The following POLR2F variants were observed in gnomAD, a reference collection of about 807,000 sequenced individuals.
The protein encoded by POLR2F is RNA polymerase II, I and III subunit F.
A neutral mutation model predicts 22.7 loss-of-function variants in POLR2F; 12 were observed. That is an observed-to-expected ratio of 0.53 (90% CI 0.34 to 0.86). The LOEUF (loss-of-function observed/expected upper bound fraction) is 0.86. POLR2F is among the 40% of genes least tolerant of loss of function. The pLI, the probability that POLR2F is intolerant of heterozygous loss-of-function variation, is 0.02. For synonymous variants in POLR2F, 57 were observed against 66.0 expected (o/e 0.86, Z 0.66); for missense variants, 126 against 171.5 (o/e 0.73, Z 1.48).
rs1400121069 is a variant in POLR2F at position 37,986,766 on chromosome 22, C to G, written c.120+454C>G. 2.1e-6 allele frequency: 1 copy of G among 468,606 alleles called. No homozygotes were observed. The highest frequency in any genetic ancestry group is 2.0e-5 in the African/African-American group (1 of 50,550). 29.0% of individuals were successfully genotyped at this position (468,606 alleles called of 1,614,324 possible). A position where few individuals can be genotyped will look rare whatever the true frequency, so the allele number is the denominator to read the frequency against. On this transcript the variant is annotated intron_variant, in intron 1 of 2. Coordinates refer to the POLR2F transcript ENST00000333418. The surrounding 1 kb of genome is among the most constrained non-coding windows in gnomAD (Gnocchi z 4.7). ...GTGTGTGTGGTTGGGGCCCCTGCTG[C>G]GAACACATCCCTGCCCACCATGCTG...
downstream of POLR2F, among the ~76,000 whole-genome samples, chr22:38,028,501 T>C (rs534444929): frequency 7.2e-5 from 11 of 152,072 alleles, no homozygotes; most frequent in African/African-American, 2.7e-4. Flanking sequence ...TGTGTGTGTG[T>C]GCGTGTGCGT....
chr22:38,019,719 G>C (rs1203532984), intron 1 of POLR2F, among the ~76,000 whole-genome samples: 1 of 152,238 alleles, frequency 6.6e-6, no homozygotes, highest in African/African-American at 2.4e-5. Context: ...GGCCTCTTAA[G>C]AAGTCTAGTG....
At chr22:37,999,665 C>T (rs1050204051) in intron 1 of POLR2F, among the ~76,000 whole-genome samples, 8 of 152,054 alleles carry the variant, frequency 5.3e-5, no homozygotes, top group African/African-American at 1.9e-4. Context: ...CAGTGGGGTG[C>T]GGAGGATGAG....
chr22:38,031,965 T>C lies in POLR2F; in HGVS notation c.453-9103T>C, dbSNP rs1157324676. ...CTCTGTCTTGGCCTCTGTTTTGGTC[T>C]GAAGTCTGGAGATTTTGTCCAGTTT... is the stretch of plus-strand genomic sequence containing the variant. On this transcript the variant is annotated intron_variant, in intron 5 of 5. Coordinates refer to the POLR2F transcript ENST00000407936. The surrounding 1 kb of genome is among the most constrained non-coding windows in gnomAD (Gnocchi z 4.1). Among the ~76,000 whole-genome samples, 1 of 152,182 alleles carries C rather than the reference T, an allele frequency of 6.6e-6. No individual in the cohort carries two copies. The highest frequency in any genetic ancestry group is 1.9e-4 in the East Asian group (1 of 5,196).
At chr22:38,005,295 GT>G (rs1385306663) in intron 1 of POLR2F, among the ~76,000 whole-genome samples, 1 of 152,174 alleles carries the variant, frequency 6.6e-6, no homozygotes. Context: ...GCCAATTTTT[GT>G]TTTGTTTTAG....
chr22:38,001,277 G>A (rs995194907), intron 1 of POLR2F, among the ~76,000 whole-genome samples: 1 of 152,172 alleles, frequency 6.6e-6, no homozygotes, highest in African/African-American at 2.4e-5. Context: ...GCAGGCTCTC[G>A]ACCGTGCCTG....
At chr22:37,988,586 G>A (rs1932652138) in intron 1 of POLR2F, among the ~76,000 whole-genome samples, 1 of 152,110 alleles carries the variant, frequency 6.6e-6, no homozygotes, top group South Asian at 2.1e-4. Flanking sequence ...AAGAGGCAGA[G>A]GTTGCAGTGA....
At position 37,956,103 on chromosome 22, in the gene POLR2F, T is replaced by G. The variant is rs1023191383; in HGVS notation, c.21-670T>G. On this transcript the variant is annotated intron_variant, in intron 1 of 4. Transcript: ENST00000442738. ...TTTGTTTTGCGGTGGCGGGGGGGGG[T>G]TTTGAGACGGAGTTTCACTCTTGTT... Among the ~76,000 whole-genome samples, 815 of 147,198 alleles carry G rather than the reference T, an allele frequency of 5.5e-3. 10 individuals carry two copies. The highest frequency in any genetic ancestry group is 0.02 in the African/African-American group (758 of 38,550).
At chr22:37,985,137 G>C (rs1168906359), upstream of POLR2F, 1 of 152,214 alleles carries the variant, frequency 6.6e-6, no homozygotes, top group African/African-American at 2.4e-5. Flanking sequence ...TTGACCCCTG[G>C]TCCCTTCTCT....
downstream of POLR2F, chr22:37,973,025 A>C: frequency 6.3e-6 from 1 of 157,788 alleles, no homozygotes; most frequent in Non-Finnish European, 1.4e-5. Context: ...AGCTCCGGGC[A>C]CAGTCTCTGG....
chr22:37,976,020 C>G (rs188287422), intron 4 of POLR2F, among the ~76,000 whole-genome samples: 1 of 152,082 alleles, frequency 6.6e-6, no homozygotes, highest in Non-Finnish European at 1.5e-5. Context: ...GTCAGGAATT[C>G]GAGACCAGCC....
At chr22:38,022,983 C>G (rs1350065450) in intron 1 of POLR2F, among the ~76,000 whole-genome samples, 1 of 152,212 alleles carries the variant, frequency 6.6e-6, no homozygotes, top group Non-Finnish European at 1.5e-5. Context: ...TGCACTCCAG[C>G]CTGGGCGACA....
chr22:38,041,232 T>C, downstream of POLR2F: 1 of 1,368,032 alleles, frequency 7.3e-7, no homozygotes, highest in Non-Finnish European at 1.0e-6. Flanking sequence ...TCTAGACTGA[T>C]GGACCAGATG....
chr22:37,967,390 A>G (rs1045775295), intron 4 of POLR2F: 7 of 1,436,224 alleles, frequency 4.9e-6, no homozygotes, highest in Non-Finnish European at 5.4e-6. Context: ...GGCTGTTGGA[A>G]TTTCCCTGTT....
upstream of POLR2F, chr22:37,983,389 A>G (rs773304320): frequency 7.5e-6 from 12 of 1,609,968 alleles, no homozygotes; most frequent in South Asian, 1.3e-4. The surrounding 1 kb of genome is among the most constrained non-coding windows in gnomAD (Gnocchi z 9.5). Flanking sequence ...TGCTGAGCTC[A>G]GCGTTGTGCA....
chr22:38,018,463 C>G (rs1460501909), intron 1 of POLR2F, among the ~76,000 whole-genome samples: 1 of 152,068 alleles, frequency 6.6e-6, no homozygotes, highest in Non-Finnish European at 1.5e-5. Flanking sequence ...GATTTAGAAT[C>G]GAGCTGAAGG....
At chr22:38,025,984 C>T (rs758030946) in exon 2 of POLR2F, 2 of 582,058 alleles carry the variant, frequency 3.4e-6, no homozygotes, top group Admixed American at 1.9e-5. Context: ...GAATGTGCTC[C>T]TCAGAGGGCC....
At chr22:37,974,215 CAGAG>C (rs749386806), downstream of POLR2F, 130 of 1,582,548 alleles carry the variant, frequency 8.2e-5, no homozygotes, top group East Asian at 1.1e-3. The surrounding 1 kb of genome is among the most constrained non-coding windows in gnomAD (Gnocchi z 5.4). Flanking sequence ...AGAAGGGAGA[CAGAG>C]AGAGAGAGCG....
chr22:38,012,672 C>G (rs2084881609), intron 1 of POLR2F, among the ~76,000 whole-genome samples: 1 of 152,198 alleles, frequency 6.6e-6, no homozygotes, highest in Admixed American at 6.5e-5. Flanking sequence ...CAGGTCTCCC[C>G]CTAACTGTTG....
Sources: gnomAD v4.1 joint callset for allele counts (sites outside exome capture counted in the v4.1 genomes callset) on GRCh38, gnomAD v4.1.1 for gene constraint, Gnocchi (gnomAD v3.1) non-coding constraint, MANE v1.5 for transcripts, NCBI Gene and HGNC (gene_info 2026-07-23, HGNC 2026-07-21) for gene names.